Variants in KLHL35 observed in about 807,000 individuals in gnomAD.
KLHL35 encodes kelch-like protein 35.
Under a neutral mutation model 44.0 loss-of-function variants are expected in KLHL35, and 50 were observed. The observed-to-expected ratio is 1.14, with a 90% CI of 0.91 to 1.44. The LOEUF is 1.44. Among genes scored for constraint, KLHL35 ranks in the 40% most tolerant of loss-of-function variants. The pLI is 0.00. For synonymous variants in KLHL35, 470 were observed against 410.4 expected (o/e 1.15, Z -1.76); for missense variants, 1,049 against 887.8 (o/e 1.18, Z -2.31).
intron 4 of KLHL35, 171 bp from the exon 5 acceptor site, chr11:75,425,752 C>T: frequency 3.9e-6 from 2 of 517,872 alleles, no homozygotes; most frequent in Non-Finnish European, 3.2e-6. Flanking sequence ...GCAGCCTCCA[C>T]CCAGTTGCTG....
At chr11:75,429,697 G>T in intron 2 of KLHL35, 52 bp downstream of exon 2, 1 of 1,404,702 alleles carries the variant, frequency 7.1e-7, no homozygotes. Context: ...AATGAGCGGT[G>T]GAAGCAGGCG....
chr11:75,430,781 C>T (rs921447974), intron 1 of KLHL35, among the ~76,000 whole-genome samples, 151 bp from the exon 2 acceptor site: 2 of 152,208 alleles, frequency 1.3e-5, no homozygotes, highest in African/African-American at 4.8e-5. Flanking sequence ...GGCTACAGTG[C>T]CCCAGCCCCG....
At chr11:75,432,789 G>T (rs1412768930) in intron 1 of KLHL35, among the ~76,000 whole-genome samples, 1 of 152,310 alleles carries the variant, frequency 6.6e-6, no homozygotes, top group South Asian at 2.1e-4. Context: ...AAAATTCCCA[G>T]GTAGGGCTCA....
chr11:75,433,196 G>A lies in KLHL35; in HGVS notation c.-155C>T, dbSNP rs1204665805. 1.3e-5 allele frequency among the ~76,000 whole-genome samples: 2 copies of A among 152,156 alleles called. No individual in the cohort carries two copies. Among genetic ancestry groups the A allele is most frequent in the Non-Finnish European group, 1.5e-5 (1 of 68,022 alleles). ...TTGCTGTTCGCTCGGGCTCAGCTGC[G>A]GGAGGACAAAGGGGCTGGACGCCAG... is the stretch of plus-strand genomic sequence containing the variant. On this transcript the variant is annotated 5_prime_UTR_variant, in exon 1 of 7. Transcript: ENST00000539798.
chr11:75,425,600 G>A lies in KLHL35; in HGVS notation c.1186-19C>T, dbSNP rs1258472474. Reference sequence around the variant, plus strand: ...CGAACAGCTGCAAGTGAGGACATGGGCCGGGGAGCCGGGTGCCAGGGCCTT... The same window carrying A: ...CGAACAGCTGCAAGTGAGGACATGGACCGGGGAGCCGGGTGCCAGGGCCTT... On this transcript the variant is annotated intron_variant, in intron 4 of 6. Transcript: ENST00000539798. 2.1e-6 allele frequency: 3 copies of A among 1,451,170 alleles called. No homozygotes were observed. The Admixed American group carries it at 8.4e-5, about 41-fold the overall frequency. 89.9% of individuals were successfully genotyped at this position (1,451,170 alleles called of 1,614,324 possible). A position where few individuals can be genotyped will look rare whatever the true frequency, so the allele number is the denominator to read the frequency against.
At position 75,426,504 on chromosome 11, in the gene KLHL35, T is replaced by C. The variant is rs1350203995; in HGVS notation, c.1185+16A>G. On this transcript the variant is annotated intron_variant, in intron 4 of 6. Coordinates refer to ENST00000539798, the MANE Select transcript of KLHL35 (RefSeq NM_001039548.3). Reference sequence around the variant, plus strand: ...GTACCTTGTGTCCCAGGGCAGCCGCTGCAGCTCGTGCCTACCTGCCCCTGC... The same window carrying C: ...GTACCTTGTGTCCCAGGGCAGCCGCCGCAGCTCGTGCCTACCTGCCCCTGC... 21 of 1,540,942 alleles carry C rather than the reference T, an allele frequency of 1.4e-5. No individual in the cohort carries two copies. The highest frequency in any genetic ancestry group is 1.9e-5 in the Non-Finnish European group (21 of 1,132,174).
At chr11:75,432,795 G>T (rs1050064751) in intron 1 of KLHL35, among the ~76,000 whole-genome samples, 1 of 152,150 alleles carries the variant, frequency 6.6e-6, no homozygotes, top group Non-Finnish European at 1.5e-5. Context: ...CCCAGGTAGG[G>T]CTCAATGGGT....
chr11:75,429,839 G>A lies in KLHL35; in HGVS notation c.791C>T (p.Ala264Val). The A allele has an allele frequency of 6.6e-7, 1 of 1,512,314 alleles. No homozygotes were observed. Among genetic ancestry groups the A allele is most frequent in the South Asian group, 1.2e-5 (1 of 81,748 alleles). 93.7% of individuals were successfully genotyped at this position (1,512,314 alleles called of 1,614,324 possible). Residue 264 changes from alanine to valine, a missense_variant, in exon 2 of 7, where the codon GCC becomes GTC. Ala to Val is a moderately conservative substitution (Grantham distance 64). Transcript: ENST00000539798. ...CAGCAGCGGGCGGCACTCGCCGCAG[G>A]CCTGCAGCAGCTCGTCCGCCTCCAC... ...EKVEADELLQACGECRPLLLE... is the reference protein window; with the variant it reads ...EKVEADELLQVCGECRPLLLE...
intron 4 of KLHL35, chr11:75,425,865 T>C (rs1832444679): frequency 8.2e-6 from 3 of 367,340 alleles, no homozygotes; most frequent in Non-Finnish European, 1.5e-5. Flanking sequence ...TTAATAATAA[T>C]AGCTAGTATT....
At chr11:75,428,791 A>G in intron 2 of KLHL35, 165 bp from the exon 3 acceptor site, 1 of 572,494 alleles carries the variant, frequency 1.7e-6, no homozygotes, top group Admixed American at 3.9e-5. Flanking sequence ...TGCCACTTCC[A>G]ACTTTGCCTG....
Position 75,430,093 on chromosome 11 carries a change from A to G in KLHL35, c.537T>C (p.Arg179=). The G allele has an allele frequency of 2.2e-6, 3 of 1,345,390 alleles. No homozygotes were observed. Among genetic ancestry groups the G allele is most frequent in the African/African-American group, 3.1e-5 (2 of 64,766 alleles). The allele number at this position is 1,345,390 out of a possible 1,614,324, so 83.3% of individuals were successfully genotyped here. Residue 179 remains arginine, a synonymous_variant, in exon 2 of 7, where the codon CGT becomes CGC. Coordinates refer to ENST00000539798, the MANE Select transcript of KLHL35 (RefSeq NM_001039548.3). ...PLAERCGRVL[R]QAFAEVARHA... Reference sequence around the variant, plus strand: ...GGCGCGCCACCTCGGCGAAGGCCTGACGCAGGACGCGGCCGCAGCGCTCGG... The same window carrying G: ...GGCGCGCCACCTCGGCGAAGGCCTGGCGCAGGACGCGGCCGCAGCGCTCGG...
Position 75,430,607 on chromosome 11 carries a change from T to C in KLHL35, c.23A>G (p.Glu8Gly). Residue 8 changes from glutamate to glycine, a missense_variant, in exon 2 of 7, where the codon GAG becomes GGG. Glu to Gly is a moderately conservative substitution (Grantham distance 98). Coordinates refer to ENST00000539798, the MANE Select transcript of KLHL35 (RefSeq NM_001039548.3). The stretch of plus-strand genomic sequence containing the variant: ...CGCTTCGCAGCCCGGCTCCGACTCC[T>C]CCGGCGCATGGCCTTGCCGCATCCT... The part of the protein sequence containing the change: MRQGHAP[E>G]ESEPGCEAPC... 7.1e-7 allele frequency: 1 copy of C among 1,407,036 alleles called. No individual in the cohort carries two copies. The highest frequency in any genetic ancestry group is 1.5e-5 in the South Asian group (1 of 68,060). 87.2% of individuals were successfully genotyped at this position (1,407,036 alleles called of 1,614,324 possible). A position where few individuals can be genotyped will look rare whatever the true frequency, so the allele number is the denominator to read the frequency against.
At chr11:75,428,994 C>T (rs1040317479) in intron 2 of KLHL35, among the ~76,000 whole-genome samples, 1 of 152,216 alleles carries the variant, frequency 6.6e-6, no homozygotes, top group Non-Finnish European at 1.5e-5. Flanking sequence ...CCATGGCGTG[C>T]CCAAAGCCAT....
rs779574688 is a variant in KLHL35 at position 75,428,573 on chromosome 11, C to T, written c.935G>A (p.Gly312Asp). ...IVVIGGCDRK[G>D]LLKLPFADAY... ...ATCGGCGAAGGGCAGCTTCAGGAGA[C>T]CTTTGCGGTCGCAACCGCCGATGAC... The change falls in exon 3 of 7, where the codon GGT becomes GAT. Residue 312 changes from glycine (G) to aspartate (D), a missense_variant. Transcript: ENST00000539798. 5.0e-6 allele frequency: 8 copies of T among 1,607,714 alleles called. No homozygotes were observed. The highest frequency in any genetic ancestry group is 5.9e-6 in the Non-Finnish European group (7 of 1,177,392).
Position 75,430,643 on chromosome 11 carries a change from G to A in KLHL35, c.-1-13C>T. The A allele has an allele frequency of 3.0e-6, 4 of 1,349,894 alleles. No individual in the cohort carries two copies. The highest frequency in any genetic ancestry group is 3.5e-5 in the South Asian group (2 of 57,784). 83.6% of individuals were successfully genotyped at this position (1,349,894 alleles called of 1,614,324 possible). ...GCCTTGCCGCATCCTGCCGGGGAGA[G>A]AACACAAACAGCGTCGGGGAAGCCA... On this transcript the variant is annotated splice_polypyrimidine_tract_variant and intron_variant, in intron 1 of 6. Transcript: ENST00000539798.
At chr11:75,428,650 C>A in intron 2 of KLHL35, 24 bp from the exon 3 acceptor site, 1 of 1,539,884 alleles carries the variant, frequency 6.5e-7, no homozygotes, top group Non-Finnish European at 8.7e-7. Context: ...AAGCCCAGTG[C>A]CTGTTGGGCC....
intron 5 of KLHL35, chr11:75,424,541 T>A (rs1005849157): frequency 6.6e-6 from 1 of 152,408 alleles, no homozygotes; most frequent in Admixed American, 6.5e-5. Flanking sequence ...AACTGTTTCC[T>A]TGGAGACCCC....
chr11:75,428,323 T>A, intron 3 of KLHL35, 119 bp downstream of exon 3: 2 of 1,187,404 alleles, frequency 1.7e-6, no homozygotes. Flanking sequence ...AGCCAATAAC[T>A]GTAGGTTATC....
At chr11:75,426,441 G>A in intron 4 of KLHL35, 79 bp downstream of exon 4, 1 of 942,670 alleles carries the variant, frequency 1.1e-6, no homozygotes, top group South Asian at 1.7e-5. Context: ...ACAAAGAGAG[G>A]GTTTTAGAGA....
Sources: gnomAD v4.1 joint callset for allele counts (sites outside exome capture counted in the v4.1 genomes callset) on GRCh38, gnomAD v4.1.1 for gene constraint, MANE v1.5 for transcripts, NCBI Gene and HGNC (gene_info 2026-07-23, HGNC 2026-07-21) for gene names.